The following IDO2 variants were observed in gnomAD, a reference collection of about 807,000 sequenced individuals.
IDO2 encodes indoleamine 2,3-dioxygenase 2.
A neutral mutation model predicts 45.1 loss-of-function variants in IDO2; 46 were observed. The ratio of observed to expected loss-of-function variants is 1.02; its 90% CI spans 0.80 to 1.30. IDO2 has a LOEUF of 1.30. Ranked by LOEUF, IDO2 falls within the 50% of genes most tolerant of loss-of-function variation. The pLI is 0.00. For synonymous variants in IDO2, 218 were observed against 184.9 expected, an observed-to-expected ratio of 1.18 and a Z score of -1.45; for missense variants, 544 against 491.8, an observed-to-expected ratio of 1.11 and a Z score of -1.00.
intron 8 of IDO2, among the ~76,000 whole-genome samples, chr8:39,992,305 T>A (rs1801950508): frequency 6.6e-6 from 1 of 152,194 alleles, no homozygotes. Flanking sequence ...CTGAGATCAC[T>A]CTGCTGTGCA....
intron 2 of IDO2, among the ~76,000 whole-genome samples, chr8:39,958,938 A>C (rs1408642045): frequency 6.6e-6 from 1 of 152,228 alleles, no homozygotes; most frequent in African/African-American, 2.4e-5. Flanking sequence ...AGAATGATCC[A>C]GAAACAAAAG....
In IDO2 at chr8:39,963,010, G is replaced by A. The variant is rs148034122; in HGVS notation, c.100-598G>A. Reference sequence around the variant, plus strand: ...CTGGGACCAGGAGTCTGGCCTTTCAGCCTTTAGACTGTTTTAGGCTTGAAG... The same window carrying A: ...CTGGGACCAGGAGTCTGGCCTTTCAACCTTTAGACTGTTTTAGGCTTGAAG... On this transcript the variant is annotated intron_variant, in intron 2 of 10. Coordinates refer to ENST00000502986, the Ensembl canonical transcript of IDO2. Among the ~76,000 whole-genome samples, 5 of 152,342 alleles carry A rather than the reference G, an allele frequency of 3.3e-5. No individual in the cohort carries two copies. In the East Asian group the frequency reaches 9.6e-4, roughly 29 times the overall value.
At chr8:39,950,127 G>A (rs1807791291) in intron 2 of IDO2, among the ~76,000 whole-genome samples, 1 of 152,166 alleles carries the variant, frequency 6.6e-6, no homozygotes, top group Non-Finnish European at 1.5e-5. Context: ...AAAGTCATGA[G>A]TGGCAAAAGC....
chr8:39,981,227 A>G (rs1026613677), intron 4 of IDO2, among the ~76,000 whole-genome samples: 2 of 151,438 alleles, frequency 1.3e-5, no homozygotes, highest in Non-Finnish European at 2.9e-5. Flanking sequence ...ACGCCTGGCT[A>G]ATTTTTATAT....
At chr8:39,935,409 G>A (rs562659012) in intron 1 of IDO2, among the ~76,000 whole-genome samples, 191 bp downstream of exon 1, 2 of 148,040 alleles carry the variant, frequency 1.4e-5, no homozygotes, top group African/African-American at 4.9e-5. Context: ...TGAATGCTTT[G>A]TGCATTACTT....
At chr8:39,976,500 T>A (rs1220594006) in intron 3 of IDO2, among the ~76,000 whole-genome samples, 2 of 152,212 alleles carry the variant, frequency 1.3e-5, no homozygotes, top group Non-Finnish European at 2.9e-5. Flanking sequence ...CTCTTTAGGT[T>A]GTAAATAGAT....
chr8:39,991,791 G>A (rs1241946264), intron 8 of IDO2, among the ~76,000 whole-genome samples: 1 of 152,048 alleles, frequency 6.6e-6, no homozygotes, highest in African/African-American at 2.4e-5. Flanking sequence ...GGCTGGTCTC[G>A]AACTCCTGAC....
chr8:39,972,940 G>A (rs546186541), intron 3 of IDO2, among the ~76,000 whole-genome samples: 18 of 152,288 alleles, frequency 1.2e-4, no homozygotes, highest in African/African-American at 4.3e-4. Flanking sequence ...TAATGCTATT[G>A]CACACTTTAT....
At chr8:39,951,517 T>C (rs1269557499) in intron 2 of IDO2, among the ~76,000 whole-genome samples, 1 of 152,178 alleles carries the variant, frequency 6.6e-6, no homozygotes, top group Non-Finnish European at 1.5e-5. Context: ...TAATAGCTCT[T>C]GTGACTTTGA....
intron 4 of IDO2, among the ~76,000 whole-genome samples, chr8:39,982,197 A>G (rs1194678326): frequency 6.7e-6 from 1 of 149,994 alleles, no homozygotes; most frequent in African/African-American, 2.5e-5. Context: ...TCTCTCTATC[A>G]TCTATCTATG....
At chr8:39,973,390 A>T (rs1198121433) in intron 3 of IDO2, among the ~76,000 whole-genome samples, 2 of 152,162 alleles carry the variant, frequency 1.3e-5, no homozygotes, top group Non-Finnish European at 2.9e-5. Context: ...CCCACTGCCC[A>T]GATAAATACC....
At chr8:39,973,745 C>CT (rs11440885) in intron 3 of IDO2, among the ~76,000 whole-genome samples, 119,937 of 145,990 alleles carry the variant, frequency 0.82, 49,701 homozygotes, top group African/African-American at 0.95. Context: ...TCGTTTTCTT[C>CT]TTTTTTTTTT....
intron 9 of IDO2, among the ~76,000 whole-genome samples, chr8:40,013,024 G>A (rs764910750): frequency 5.3e-5 from 8 of 152,134 alleles, no homozygotes; most frequent in Admixed American, 2.0e-4. Context: ...GTAGTTTAAC[G>A]TGATGACTTC....
intron 1 of IDO2, among the ~76,000 whole-genome samples, chr8:39,941,536 G>A (rs999786462): frequency 3.9e-5 from 6 of 152,054 alleles, no homozygotes; most frequent in Non-Finnish European, 8.8e-5. Flanking sequence ...TTTATTGGCA[G>A]GACCTAAGAT....
At chr8:39,982,452 A>T (rs1380575022) in intron 4 of IDO2, among the ~76,000 whole-genome samples, 200 bp from the exon 5 acceptor site, 2 of 152,090 alleles carry the variant, frequency 1.3e-5, no homozygotes, top group African/African-American at 4.8e-5. Flanking sequence ...TGCACCGTGT[A>T]CTCATAAGCA....
chr8:39,959,667 C>G (rs1385040333), intron 2 of IDO2, among the ~76,000 whole-genome samples: 1 of 151,928 alleles, frequency 6.6e-6, no homozygotes, highest in Non-Finnish European at 1.5e-5. Flanking sequence ...ACTAAAGATA[C>G]AAAAAATTAG....
At chr8:39,935,385 T>A (rs192561317) in intron 1 of IDO2, among the ~76,000 whole-genome samples, 167 bp downstream of exon 1, 35 of 152,278 alleles carry the variant, frequency 2.3e-4, no homozygotes, top group Non-Finnish European at 4.9e-4. Context: ...GCATTTAATG[T>A]TTGGTCCATG....
intron 3 of IDO2, among the ~76,000 whole-genome samples, chr8:39,966,931 G>T (rs1405951967): frequency 6.6e-6 from 1 of 152,110 alleles, no homozygotes; most frequent in Admixed American, 6.6e-5. Flanking sequence ...TGATATTAGT[G>T]CTTTAAATAT....
At chr8:39,963,812 A>G (rs963929987) in intron 3 of IDO2, 109 bp downstream of exon 3, 4 of 621,090 alleles carry the variant, frequency 6.4e-6, no homozygotes, top group East Asian at 2.8e-5. Context: ...GTTCATTACC[A>G]TTGAACTTAT....
Sources: gnomAD v4.1 joint callset for allele counts (sites outside exome capture counted in the v4.1 genomes callset) on GRCh38, gnomAD v4.1.1 for gene constraint, MANE v1.5 for transcripts, NCBI Gene and HGNC (gene_info 2026-07-23, HGNC 2026-07-21) for gene names.